Variants in SLC29A4 observed in about 807,000 individuals in gnomAD.
The protein encoded by SLC29A4 is equilibrative nucleoside transporter 4.
In SLC29A4, 36 loss-of-function variants were observed where a neutral mutation model predicts 43.9. The ratio of observed to expected loss-of-function variants is 0.82; its 90% confidence interval spans 0.63 to 1.08. The LOEUF (loss-of-function observed/expected upper bound fraction) is 1.08. Ranked by LOEUF, SLC29A4 falls within the 50% of genes least tolerant of loss-of-function variation. The pLI is 0.00. For missense variants in SLC29A4, 869 were observed against 755.3 expected, an observed-to-expected ratio of 1.15 and a Z score of -1.77; for synonymous variants, 491 against 338.0, an observed-to-expected ratio of 1.45 and a Z score of -4.97.
chr7:5,293,245 C>T (rs1189229179), intron 5 of SLC29A4, among the ~76,000 whole-genome samples: 5 of 147,112 alleles, frequency 3.4e-5, no homozygotes, highest in Non-Finnish European at 5.9e-5. Flanking sequence ...GATCTCAGCT[C>T]ACTGCAACCT....
At chr7:5,286,529 A>G (rs1354705721) in intron 1 of SLC29A4, among the ~76,000 whole-genome samples, 5 of 140,948 alleles carry the variant, frequency 3.5e-5, no homozygotes, top group South Asian at 4.3e-4. Context: ...TCTCAAAAAA[A>G]AAAAAGAAAA....
At chr7:5,289,473 G>T (rs1785170055) in intron 2 of SLC29A4, among the ~76,000 whole-genome samples, 1 of 152,172 alleles carries the variant, frequency 6.6e-6, no homozygotes, top group Non-Finnish European at 1.5e-5. Flanking sequence ...GTCATGGACA[G>T]TCTGGAACCC....
In SLC29A4 at chr7:5,285,823, G is replaced by C. The variant is rs180895396; in HGVS notation, c.-8-1986G>C. On this transcript the variant is annotated intron_variant, in intron 1 of 10. Coordinates refer to ENST00000396872, the MANE Select transcript of SLC29A4 (RefSeq NM_153247.4). ...GCCCAGGAGTTCAAGACCACTATGGGCAACACAGTGAGACCCCCATCTCTA... is the reference window on the plus strand; with the variant it reads ...GCCCAGGAGTTCAAGACCACTATGGCCAACACAGTGAGACCCCCATCTCTA... Among the ~76,000 whole-genome samples, 441 of 152,158 alleles carry C rather than the reference G, an allele frequency of 2.9e-3. 1 individual carries two copies. The highest frequency in any genetic ancestry group is 0.01 in the African/African-American group (416 of 41,498).
intron 1 of SLC29A4, among the ~76,000 whole-genome samples, chr7:5,287,219 C>G (rs995714069): frequency 2.6e-5 from 4 of 152,112 alleles, no homozygotes; most frequent in African/African-American, 9.7e-5. Flanking sequence ...TGGAGACCAG[C>G]CTGGGCAATG....
chr7:5,306,877 T>TAAAAA lies in SLC29A4; in HGVS notation c.*3945_*3949dup, dbSNP rs33960126. On this transcript the variant is annotated 3_prime_UTR_variant, in exon 11 of 11. Transcript: ENST00000396872. ...AACAAACAAAATTCCAAAAGAAACA[T>TAAAAA]AAAAAAAAAAACCAATAATTCCCCC... 59 of 147,022 alleles carry TAAAAA rather than the reference T, an allele frequency of 4.0e-4. No individual in the cohort carries two copies. The East Asian group carries it at 0.011, about 28-fold the overall frequency. 9.1% of individuals were successfully genotyped at this position (147,022 alleles called of 1,614,324 possible). A position where few individuals can be genotyped will look rare whatever the true frequency, so the allele number is the denominator to read the frequency against.
chr7:5,299,172 A>G, intron 8 of SLC29A4, 46 bp downstream of exon 8: 1 of 1,599,700 alleles, frequency 6.3e-7, no homozygotes, highest in Non-Finnish European at 8.5e-7. Context: ...GCACCCAGGC[A>G]GGGGGTGGGG....
At position 5,291,198 on chromosome 7, in the gene SLC29A4, C is replaced by A; in HGVS notation, c.376C>A (p.Leu126Met). ...GGCAGCTGTCCTCCTGAACAACGTC[C>A]TGGTGGAGAGACTGACCCTGCACAC... ...ALAAVLLNNV[L>M]VERLTLHTRI... is the part of the protein sequence containing the mutation. Residue 126 changes from leucine to methionine, a missense_variant, in exon 4 of 11, where the codon CTG becomes ATG. Physicochemically the swap from Leu to Met is conservative, Grantham distance 15. Coordinates refer to ENST00000396872, the MANE Select transcript of SLC29A4 (RefSeq NM_153247.4). 1.2e-6 allele frequency: 2 copies of A among 1,613,592 alleles called. No individual in the cohort carries two copies. The highest frequency in any genetic ancestry group is 1.7e-6 in the Non-Finnish European group (2 of 1,180,022).
At chr7:5,302,680 C>T (rs1233652994) in intron 10 of SLC29A4, 117 bp from the exon 11 acceptor site, 39 of 999,644 alleles carry the variant, frequency 3.9e-5, no homozygotes, top group Non-Finnish European at 4.9e-5. Flanking sequence ...GATGGGGCAG[C>T]GGGTCCTGGA....
At chr7:5,286,020 A>C (rs1251940715) in intron 1 of SLC29A4, among the ~76,000 whole-genome samples, 2 of 151,646 alleles carry the variant, frequency 1.3e-5, no homozygotes, top group Admixed American at 1.3e-4. Context: ...AGAAAAAAAA[A>C]CAAAAAACAA....
At position 5,291,783 on chromosome 7, in the gene SLC29A4, A is replaced by C. The variant is rs761644171; in HGVS notation, c.506A>C (p.Asn169Thr). The change falls in exon 5 of 11, where the codon AAC becomes ACC. Residue 169 changes from asparagine (N) to threonine (T), a missense_variant. Coordinates refer to ENST00000396872, the MANE Select transcript of SLC29A4 (RefSeq NM_153247.4). ...LFSRDQAYAI[N>T]LAAVGTVAFG... ...TCTCGGGACCAGGCCTACGCCATCA[A>C]CCTGGCCGCTGTGGGCACCGTGGCC... is the stretch of plus-strand genomic sequence containing the variant. The C allele has an allele frequency of 6.2e-7, 1 of 1,611,926 alleles. No homozygotes were observed.
chr7:5,290,710 C>T (rs770969771), intron 2 of SLC29A4, 22 bp from the exon 3 acceptor site: 4 of 1,597,646 alleles, frequency 2.5e-6, no homozygotes, highest in African/African-American at 2.7e-5. Context: ...TGCCCCGTCT[C>T]ACCTGGTGTC....
chr7:5,299,336 G>A lies in SLC29A4; in HGVS notation c.1118G>A (p.Gly373Asp). The change falls in exon 9 of 11, where the codon GGC becomes GAC. Residue 373 changes from glycine (G) to aspartate (D), a missense_variant. Coordinates refer to ENST00000396872, the MANE Select transcript of SLC29A4 (RefSeq NM_153247.4). Reference protein sequence around the residue: ...TYFITLCLFPGLESEIRHCIL... With the variant: ...TYFITLCLFPDLESEIRHCIL... ...TTCATCACGCTGTGCCTGTTCCCCG[G>A]CCTCGAGTCTGAGATCCGCCACTGC... 6.2e-7 allele frequency: 1 copy of A among 1,612,074 alleles called. No homozygotes were observed. Among genetic ancestry groups the A allele is most frequent in the Non-Finnish European group, 8.5e-7 (1 of 1,179,858 alleles).
chr7:5,303,385 CTCCTCATG>C lies in SLC29A4; in HGVS notation c.*447_*454del, dbSNP rs1786308958. ...CTGGCCCAGCCTCCACCAGGGACCCCTCCTCATGAACTCTGGAGCCCTGAGAGGAGAGG... is the reference window on the plus strand; with the variant it reads ...CTGGCCCAGCCTCCACCAGGGACCCCAACTCTGGAGCCCTGAGAGGAGAGG... On this transcript the variant is annotated 3_prime_UTR_variant, in exon 11 of 11. Coordinates refer to ENST00000396872, the MANE Select transcript of SLC29A4 (RefSeq NM_153247.4). 1 of 210,036 alleles carries C rather than the reference CTCCTCATG, an allele frequency of 4.8e-6. No individual in the cohort carries two copies. The highest frequency in any genetic ancestry group is 7.7e-5 in the South Asian group (1 of 13,050). The allele number at this position is 210,036 out of a possible 1,614,324, so 13.0% of individuals were successfully genotyped here. A position where few individuals can be genotyped will look rare whatever the true frequency, so the allele number is the denominator to read the frequency against.
intron 1 of SLC29A4, among the ~76,000 whole-genome samples, chr7:5,287,111 A>G (rs1323615125): frequency 1.3e-5 from 2 of 152,300 alleles, no homozygotes; most frequent in East Asian, 3.9e-4. Context: ...AGTGAGGATG[A>G]GCACCTTGAG....
At position 5,306,670 on chromosome 7, in the gene SLC29A4, C is replaced by G. The variant is rs906408935; in HGVS notation, c.*3731C>G. The G allele has an allele frequency of 2.6e-5, 4 of 152,166 alleles. No homozygotes were observed. The highest frequency in any genetic ancestry group is 9.7e-5 in the African/African-American group (4 of 41,442). The allele number at this position is 152,166 out of a possible 1,614,324, so 9.4% of individuals were successfully genotyped here. ...TTAGATGGCTGCATGGGGTCACCGC[C>G]CCTGCACGCGTGGCACCCAACTTCT... On this transcript the variant is annotated 3_prime_UTR_variant, in exon 11 of 11. Transcript: ENST00000396872.
intron 7 of SLC29A4, among the ~76,000 whole-genome samples, chr7:5,298,618 C>T (rs1785884739): frequency 6.6e-6 from 1 of 152,056 alleles, no homozygotes; most frequent in Non-Finnish European, 1.5e-5. Context: ...ATAGCAAGAC[C>T]CTGTGTCTAC....
intron 9 of SLC29A4, among the ~76,000 whole-genome samples, chr7:5,299,852 G>T (rs988262674): frequency 5.9e-5 from 9 of 152,222 alleles, no homozygotes; most frequent in Admixed American, 5.2e-4. Context: ...AGGAGTTCTA[G>T]ACCAACCTTG....
intron 6 of SLC29A4, among the ~76,000 whole-genome samples, chr7:5,295,589 C>A (rs1027994085): frequency 1.3e-5 from 2 of 152,274 alleles, no homozygotes; most frequent in Non-Finnish European, 2.9e-5. Context: ...GGAAGCCCCT[C>A]CCTCTCAGGG....
chr7:5,294,631 G>A (rs1375709482), intron 5 of SLC29A4, among the ~76,000 whole-genome samples: 1 of 152,166 alleles, frequency 6.6e-6, no homozygotes, highest in Non-Finnish European at 1.5e-5. Context: ...CAGTAGTGAC[G>A]TGTCATTTCT....
Sources: allele counts gnomAD v4.1 joint callset (sites outside exome capture counted in the v4.1 genomes callset), GRCh38; gene constraint gnomAD v4.1.1; transcripts MANE v1.5; gene names NCBI Gene and HGNC (gene_info 2026-07-23, HGNC 2026-07-21).